The following OR5AN1 variants were observed in gnomAD, a reference collection of about 807,000 sequenced individuals.
OR5AN1 encodes olfactory receptor family 5 subfamily AN member 1.
For missense variants in OR5AN1, 476 were observed against 368.9 expected (o/e 1.29, Z -2.38); for synonymous variants, 167 against 131.8 (o/e 1.27, Z -1.83).
chr11:59,361,807 TC>T (rs1434396169), intron 1 of OR5AN1, among the ~76,000 whole-genome samples: 32 of 152,246 alleles, frequency 2.1e-4, no homozygotes, highest in Admixed American at 1.7e-3. Flanking sequence ...TTCCTTCTTC[TC>T]CCCCTTTCTC....
chr11:59,360,391 G>C (rs1416201993), intron 1 of OR5AN1, among the ~76,000 whole-genome samples: 1 of 152,034 alleles, frequency 6.6e-6, no homozygotes, highest in African/African-American at 2.4e-5. Context: ...TATTGTATTA[G>C]AGGGTTTTTT....
chr11:59,368,317 A>C lies in OR5AN1; in HGVS notation c.*2923A>C, dbSNP rs949903402. ...GTTTCCATTCCCATATCTTCTCACCAGGAAGATCTTCAGGCCTGGGCTTCC... is the reference window on the plus strand; with the variant it reads ...GTTTCCATTCCCATATCTTCTCACCCGGAAGATCTTCAGGCCTGGGCTTCC... On this transcript the variant is annotated 3_prime_UTR_variant, in exon 2 of 2. Coordinates refer to ENST00000641998, the MANE Select transcript of OR5AN1 (RefSeq NM_001004729.2). The C allele has an allele frequency of 1.3e-5, 2 of 152,414 alleles. No individual in the cohort carries two copies. The highest frequency in any genetic ancestry group is 4.8e-5 in the African/African-American group (2 of 41,450). 9.4% of individuals were successfully genotyped at this position (152,414 alleles called of 1,614,324 possible). A position where few individuals can be genotyped will look rare whatever the true frequency, so the allele number is the denominator to read the frequency against.
Position 59,369,772 on chromosome 11 carries a change from C to G in OR5AN1, c.*4378C>G, listed in dbSNP as rs1323867522. The G allele has an allele frequency of 1.3e-5, 2 of 152,060 alleles. No individual in the cohort carries two copies. Among genetic ancestry groups the G allele is most frequent in the African/African-American group, 4.8e-5 (2 of 41,396 alleles). 9.4% of individuals were successfully genotyped at this position (152,060 alleles called of 1,614,324 possible). ...ATTCAGTAAATACAGAGAAGTCCTT[C>G]AAGATTCTACACAAGAAGATAATCA... On this transcript the variant is annotated 3_prime_UTR_variant, in exon 2 of 2. Coordinates refer to ENST00000641998, the MANE Select transcript of OR5AN1 (RefSeq NM_001004729.2).
intron 1 of OR5AN1, among the ~76,000 whole-genome samples, chr11:59,362,110 C>G (rs754219434): frequency 2.0e-5 from 3 of 151,952 alleles, no homozygotes; most frequent in African/African-American, 7.3e-5. Flanking sequence ...GTAGAATTAC[C>G]TTGTGCACTC....
Position 59,369,607 on chromosome 11 carries a change from T to C in OR5AN1, c.*4213T>C, listed in dbSNP as rs1292866385. The C allele has an allele frequency of 6.6e-6, 1 of 151,980 alleles. No individual in the cohort carries two copies. Among genetic ancestry groups the C allele is most frequent in the Non-Finnish European group, 1.5e-5 (1 of 67,992 alleles). The allele number at this position is 151,980 out of a possible 1,614,324, so 9.4% of individuals were successfully genotyped here. On this transcript the variant is annotated 3_prime_UTR_variant, in exon 2 of 2. Coordinates refer to ENST00000641998, the MANE Select transcript of OR5AN1 (RefSeq NM_001004729.2). ...AAATAAACAAAGCCTCCAAGAAGTATGGGTTATGTAAACAGGCCAAATCTA... is the reference window on the plus strand; with the variant it reads ...AAATAAACAAAGCCTCCAAGAAGTACGGGTTATGTAAACAGGCCAAATCTA...
rs528085427 is a variant in OR5AN1 at position 59,369,261 on chromosome 11, C to A, written c.*3867C>A. ...CCAGTTCTCCAGCAAAGGTCCTTAA[C>A]CAGGCCAAACTGGCTAGAATGACAG... is the stretch of plus-strand genomic sequence containing the variant. On this transcript the variant is annotated 3_prime_UTR_variant, in exon 2 of 2. Transcript: ENST00000641998. The A allele has an allele frequency of 4.6e-5, 7 of 151,472 alleles. No homozygotes were observed. The South Asian group carries it at 1.5e-3, about 32-fold the overall frequency. The allele number at this position is 151,472 out of a possible 1,614,324, so 9.4% of individuals were successfully genotyped here.
chr11:59,364,943 G>A lies in OR5AN1; in HGVS notation c.485G>A (p.Gly162Asp). 3 of 1,614,004 alleles carry A rather than the reference G, an allele frequency of 1.9e-6. No individual in the cohort carries two copies. The highest frequency in any genetic ancestry group is 2.5e-6 in the Non-Finnish European group (3 of 1,179,978). Residue 162 changes from glycine (G) to aspartate (D), a missense_variant, in exon 2 of 2, where the codon GGT becomes GAT. Physicochemically the swap from Gly to Asp is moderately conservative, Grantham distance 94. Coordinates refer to ENST00000641998, the MANE Select transcript of OR5AN1 (RefSeq NM_001004729.2). ...CTCACTGCTTCTTTATTCCAAATTG[G>A]TGCTTTGCTTCAACTCCACTTCTGT... ...TGLTASLFQI[G>D]ALLQLHFCGS...
intron 1 of OR5AN1, among the ~76,000 whole-genome samples, chr11:59,362,950 G>GA (rs1402592484): frequency 1.3e-5 from 2 of 152,244 alleles, no homozygotes; most frequent in South Asian, 2.1e-4. Flanking sequence ...GCAAACTGAA[G>GA]AAAAAATGGC....
rs1327651992 is a variant in OR5AN1, at chr11:59,368,467, A to G, written c.*3073A>G. ...AGTGGAACTGCCCTTGACACGCTCC[A>G]ACTAATGAATGAGCAAAGACACTAA... On this transcript the variant is annotated 3_prime_UTR_variant, in exon 2 of 2. Transcript: ENST00000641998. 6.6e-6 allele frequency: 1 copy of G among 152,346 alleles called. No homozygotes were observed. The highest frequency in any genetic ancestry group is 6.5e-5 in the Admixed American group (1 of 15,284). 9.4% of individuals were successfully genotyped at this position (152,346 alleles called of 1,614,324 possible).
chr11:59,364,753 A>G lies in OR5AN1; in HGVS notation c.295A>G (p.Ile99Val), dbSNP rs748444330. The G allele has an allele frequency of 2.5e-6, 4 of 1,614,028 alleles. No individual in the cohort carries two copies. The highest frequency in any genetic ancestry group is 4.5e-5 in the East Asian group (2 of 44,868). Reference protein sequence around the residue: ...EQQTITFVGCIIQYFIFSTMG... With the variant: ...EQQTITFVGCVIQYFIFSTMG... ...GCAAACTATCACTTTTGTTGGTTGT[A>G]TTATTCAGTACTTTATCTTTTCAAC... The change falls in exon 2 of 2, where the codon ATT becomes GTT. Residue 99 changes from isoleucine (I) to valine (V), a missense_variant. Transcript: ENST00000641998.
Position 59,365,219 on chromosome 11 carries a change from C to A in OR5AN1, c.761C>A (p.Thr254Lys). ...CTAACAGCTGTTTCCCTCTTCTATA[C>A]ATCAGGAATCTTTGTCTATTTGAGT... Reference protein sequence around the residue: ...SHLTAVSLFYTSGIFVYLSSS... With the variant: ...SHLTAVSLFYKSGIFVYLSSS... Residue 254 changes from threonine to lysine, a missense_variant, in exon 2 of 2, where the codon ACA becomes AAA. Physicochemically the swap from Thr to Lys is moderately conservative, Grantham distance 78. Transcript: ENST00000641998. 6.2e-7 allele frequency: 1 copy of A among 1,614,090 alleles called. No homozygotes were observed. The highest frequency in any genetic ancestry group is 8.5e-7 in the Non-Finnish European group (1 of 1,179,976).
intron 1 of OR5AN1, among the ~76,000 whole-genome samples, chr11:59,362,607 A>G (rs1857476419): frequency 6.6e-6 from 1 of 152,228 alleles, no homozygotes; most frequent in South Asian, 2.1e-4. Flanking sequence ...GAAAGTTAAA[A>G]TCCTTTCTAA....
Position 59,368,291 on chromosome 11 carries a change from G to T in OR5AN1, c.*2897G>T, listed in dbSNP as rs928498790. The T allele has an allele frequency of 2.6e-5, 4 of 152,218 alleles. No individual in the cohort carries two copies. Among genetic ancestry groups the T allele is most frequent in the Non-Finnish European group, 5.9e-5 (4 of 68,114 alleles). The allele number at this position is 152,218 out of a possible 1,614,324, so 9.4% of individuals were successfully genotyped here. ...GGAAAAGTGGCCAGAGTGTTTCGTG[G>T]GTTTCCATTCCCATATCTTCTCACC... On this transcript the variant is annotated 3_prime_UTR_variant, in exon 2 of 2. Coordinates refer to ENST00000641998, the MANE Select transcript of OR5AN1 (RefSeq NM_001004729.2).
In OR5AN1 at chr11:59,364,431, C is replaced by T; in HGVS notation, c.-13-15C>T. 1.3e-6 allele frequency: 2 copies of T among 1,497,468 alleles called. No homozygotes were observed. Among genetic ancestry groups the T allele is most frequent in the Non-Finnish European group, 1.8e-6 (2 of 1,091,192 alleles). 92.8% of individuals were successfully genotyped at this position (1,497,468 alleles called of 1,614,324 possible). A position where few individuals can be genotyped will look rare whatever the true frequency, so the allele number is the denominator to read the frequency against. ...GAGTTAGCAATCCATTCTCTTGTCTCCTTTCTGATATTAGGAGCACTGAGC... is the reference window on the plus strand; with the variant it reads ...GAGTTAGCAATCCATTCTCTTGTCTTCTTTCTGATATTAGGAGCACTGAGC... On this transcript the variant is annotated splice_polypyrimidine_tract_variant and intron_variant, in intron 1 of 1. Transcript: ENST00000641998.
chr11:59,363,169 A>G (rs956953695), intron 1 of OR5AN1, among the ~76,000 whole-genome samples: 1 of 152,244 alleles, frequency 6.6e-6, no homozygotes, highest in African/African-American at 2.4e-5. Context: ...CCATGATAAC[A>G]ATAGCCATTC....
intron 1 of OR5AN1, among the ~76,000 whole-genome samples, chr11:59,361,034 G>A (rs1857456739): frequency 6.6e-6 from 1 of 152,142 alleles, no homozygotes; most frequent in Non-Finnish European, 1.5e-5. Context: ...CTCAGCTTGA[G>A]GGTACTTGGT....
rs1857546112 is a variant in OR5AN1, at chr11:59,367,346, G to A, written c.*1952G>A. 1 of 152,244 alleles carries A rather than the reference G, an allele frequency of 6.6e-6. No individual in the cohort carries two copies. The highest frequency in any genetic ancestry group is 2.4e-5 in the African/African-American group (1 of 41,456). The allele number at this position is 152,244 out of a possible 1,614,324, so 9.4% of individuals were successfully genotyped here. Reference sequence around the variant, plus strand: ...CACAGAGCTATGTGGAGTCTTGGCAGAGCAGCCACTCAGGCCAGCATGGAG... The same window carrying A: ...CACAGAGCTATGTGGAGTCTTGGCAAAGCAGCCACTCAGGCCAGCATGGAG... On this transcript the variant is annotated 3_prime_UTR_variant, in exon 2 of 2. Transcript: ENST00000641998.
At position 59,364,770 on chromosome 11, in the gene OR5AN1, C is replaced by G. The variant is rs1565053197; in HGVS notation, c.312C>G (p.Ile104Met). 6.2e-7 allele frequency: 1 copy of G among 1,614,074 alleles called. No homozygotes were observed. The highest frequency in any genetic ancestry group is 8.5e-7 in the Non-Finnish European group (1 of 1,179,972). ...TFVGCIIQYFIFSTMGLSESC... is the reference protein window; with the variant it reads ...TFVGCIIQYFMFSTMGLSESC... ...TTGGTTGTATTATTCAGTACTTTAT[C>G]TTTTCAACGATGGGACTGAGTGAGT... is the stretch of plus-strand genomic sequence containing the variant. Residue 104 changes from isoleucine to methionine, a missense_variant, in exon 2 of 2, where the codon ATC (isoleucine) becomes ATG (methionine). By Grantham distance (10) the Ile-to-Met change is conservative. Transcript: ENST00000641998.
rs1486063434 is a variant in OR5AN1, at chr11:59,366,328, T to C, written c.*934T>C. 1 of 152,184 alleles carries C rather than the reference T, an allele frequency of 6.6e-6. No individual in the cohort carries two copies. The highest frequency in any genetic ancestry group is 2.4e-5 in the African/African-American group (1 of 41,440). The allele number at this position is 152,184 out of a possible 1,614,324, so 9.4% of individuals were successfully genotyped here. ...GGATGAAAGAAACATGGGTCAAATA[T>C]ATTTCAGTCAAGCTCAACCTAGACA... On this transcript the variant is annotated 3_prime_UTR_variant, in exon 2 of 2. Coordinates refer to ENST00000641998, the MANE Select transcript of OR5AN1 (RefSeq NM_001004729.2).
Sources: allele counts gnomAD v4.1 joint callset (sites outside exome capture counted in the v4.1 genomes callset), GRCh38; gene constraint gnomAD v4.1.1; transcripts MANE v1.5; gene names NCBI Gene and HGNC (gene_info 2026-07-23, HGNC 2026-07-21).